Variants in PCDHGA2 observed in about 807,000 individuals in gnomAD.
PCDHGA2 encodes protocadherin gamma-A2.
Under a neutral mutation model 59.2 loss-of-function variants are expected in PCDHGA2, and 40 were observed. That is an observed-to-expected ratio of 0.68 (90% CI 0.52 to 0.88). The LOEUF is 0.88. PCDHGA2 is among the 40% of genes least tolerant of loss of function. The pLI, the probability that PCDHGA2 is intolerant of heterozygous loss-of-function variation, is 0.00. For synonymous variants in PCDHGA2, 560 were observed against 526.0 expected (o/e 1.06, Z -0.89); for missense variants, 1,226 against 1,204.0 (o/e 1.02, Z -0.27).
intron 1 of PCDHGA2, chr5:141,478,529 A>G: frequency 6.2e-7 from 1 of 1,609,580 alleles, no homozygotes; most frequent in Non-Finnish European, 8.5e-7. Flanking sequence ...GGGTGCAGAG[A>G]GCGCCCCTCC....
intron 1 of PCDHGA2, 138 bp from the exon 2 acceptor site, chr5:141,494,669 T>A: frequency 6.5e-7 from 1 of 1,527,472 alleles, no homozygotes; most frequent in South Asian, 1.2e-5. Context: ...TGGAGATGAG[T>A]CCACCCCTGC....
intron 1 of PCDHGA2, chr5:141,418,101 G>A (rs965772298): frequency 3.7e-6 from 6 of 1,614,082 alleles, no homozygotes; most frequent in Non-Finnish European, 5.1e-6. Flanking sequence ...GACGCGCAGA[G>A]CGGGGACTTA....
At chr5:141,450,055 G>A (rs1325291695) in intron 1 of PCDHGA2, among the ~76,000 whole-genome samples, 2 of 137,594 alleles carry the variant, frequency 1.5e-5, no homozygotes, top group Non-Finnish European at 3.0e-5. Flanking sequence ...CGCCCAGGCT[G>A]GAATGCAGTG....
At chr5:141,370,986 G>T in intron 1 of PCDHGA2, 1 of 1,613,992 alleles carries the variant, frequency 6.2e-7, no homozygotes, top group Non-Finnish European at 8.5e-7. Flanking sequence ...AGTACTGAAA[G>T]CACCCCTGGA....
intron 1 of PCDHGA2, chr5:141,414,381 T>A: frequency 6.2e-7 from 1 of 1,613,866 alleles, no homozygotes. Context: ...AAAAGTCCAT[T>A]GACAGTTATT....
chr5:141,473,116 G>A (rs966472502), intron 1 of PCDHGA2, among the ~76,000 whole-genome samples: 19 of 152,114 alleles, frequency 1.2e-4, no homozygotes, highest in African/African-American at 4.6e-4. Context: ...ACTTTACTTG[G>A]CTCTTTGGCA....
chr5:141,511,288 C>G lies in PCDHGA2; in HGVS notation c.*115C>G. ...CTAACCCCCAGAATACTGGTAGGGG[C>G]CAAGGCCATGCTCCCCTTGGGAAAC... On this transcript the variant is annotated 3_prime_UTR_variant, in exon 4 of 4. Transcript: ENST00000394576. 6.6e-7 allele frequency: 1 copy of G among 1,518,266 alleles called. No homozygotes were observed. The highest frequency in any genetic ancestry group is 8.9e-7 in the Non-Finnish European group (1 of 1,129,706). The allele number at this position is 1,518,266 out of a possible 1,614,324, so 94.0% of individuals were successfully genotyped here.
At chr5:141,388,969 C>A (rs1392290138) in intron 1 of PCDHGA2, 1 of 1,613,882 alleles carries the variant, frequency 6.2e-7, no homozygotes, top group Non-Finnish European at 8.5e-7. Context: ...GAGCTGGGAA[C>A]ACATATTGCT....
chr5:141,433,286 T>C (rs2097581877), intron 1 of PCDHGA2: 2 of 1,143,608 alleles, frequency 1.7e-6, no homozygotes, highest in African/African-American at 1.6e-5. Flanking sequence ...CTCAAACTCC[T>C]AGGCTCAAGC....
intron 1 of PCDHGA2, among the ~76,000 whole-genome samples, chr5:141,451,780 C>T (rs988572200): frequency 6.6e-6 from 1 of 152,016 alleles, no homozygotes; most frequent in Non-Finnish European, 1.5e-5. Flanking sequence ...ACTCAGGAGG[C>T]TGAGGCCAGA....
At chr5:141,403,774 C>A (rs1350465491) in intron 1 of PCDHGA2, 1 of 1,613,786 alleles carries the variant, frequency 6.2e-7, no homozygotes, top group Non-Finnish European at 8.5e-7. Context: ...AGGGAATCAA[C>A]GGAAAAGTGG....
chr5:141,478,319 T>A, intron 1 of PCDHGA2: 4 of 1,614,052 alleles, frequency 2.5e-6, no homozygotes, highest in Non-Finnish European at 3.4e-6. Flanking sequence ...GAGCTCACTG[T>A]ACCGAACACC....
rs1183407162 is a variant in PCDHGA2 at position 141,422,793 on chromosome 5, C to G, written c.2425-72014C>G. 3 of 1,614,110 alleles carry G rather than the reference C, an allele frequency of 1.9e-6. No individual in the cohort carries two copies. The South Asian group carries it at 3.3e-5, about 18-fold the overall frequency. On this transcript the variant is annotated intron_variant, in intron 1 of 3. Transcript: ENST00000394576. Reference sequence around the variant, plus strand: ...TTCTCTATGCCCTACAATCCTTCGACTATGAGCAGTTTCGAGACTTAGAAC... The same window carrying G: ...TTCTCTATGCCCTACAATCCTTCGAGTATGAGCAGTTTCGAGACTTAGAAC...
At chr5:141,426,788 T>C (rs2096960035) in intron 1 of PCDHGA2, 1 of 456,568 alleles carries the variant, frequency 2.2e-6, no homozygotes, top group African/African-American at 2.0e-5. Context: ...CTCTCCAGAG[T>C]TACCAGCTCA....
At chr5:141,406,189 C>G (rs1277183811) in intron 1 of PCDHGA2, among the ~76,000 whole-genome samples, 1 of 151,722 alleles carries the variant, frequency 6.6e-6, no homozygotes, top group Admixed American at 6.6e-5. Context: ...CCTCCCACCT[C>G]AGCCTTCACA....
intron 1 of PCDHGA2, chr5:141,404,186 C>A (rs767632448): frequency 1.2e-6 from 2 of 1,612,966 alleles, no homozygotes; most frequent in Middle Eastern, 1.6e-4. Flanking sequence ...AATTCTTGAC[C>A]GAGAAAAAGC....
intron 1 of PCDHGA2, chr5:141,419,647 G>A (rs370948584): frequency 1.0e-4 from 165 of 1,612,474 alleles, no homozygotes; most frequent in Non-Finnish European, 1.4e-4. Context: ...CCGTGGACGC[G>A]GACTCGGGGC....
intron 1 of PCDHGA2, chr5:141,384,575 C>T (rs754018989): frequency 8.7e-6 from 14 of 1,614,258 alleles, no homozygotes; most frequent in South Asian, 2.2e-5. Flanking sequence ...AATGACAACC[C>T]GCCCGAGATC....
intron 1 of PCDHGA2, chr5:141,351,032 G>A (rs531286057): frequency 2.5e-6 from 4 of 1,613,988 alleles, no homozygotes; most frequent in African/African-American, 1.3e-5. Flanking sequence ...GGGAACCTCC[G>A]TGCTGCGGGT....
Sources: allele counts gnomAD v4.1 joint callset (sites outside exome capture counted in the v4.1 genomes callset), GRCh38; gene constraint gnomAD v4.1.1; transcripts MANE v1.5; gene names NCBI Gene and HGNC (gene_info 2026-07-23, HGNC 2026-07-21).